The following PTPRK variants were observed in gnomAD, a reference collection of about 807,000 sequenced individuals.
PTPRK encodes receptor-type tyrosine-protein phosphatase kappa.
In PTPRK, 75 loss-of-function variants were observed where a neutral mutation model predicts 178.0. The ratio of observed to expected loss-of-function variants is 0.42; its 90% CI spans 0.35 to 0.51. The LOEUF (loss-of-function observed/expected upper bound fraction) is 0.51. Among genes scored for constraint, PTPRK ranks in the 20% least tolerant of loss-of-function variants. The probability of loss-of-function intolerance (pLI) is 0.02; values close to 1 mark genes in which losing one functional copy is unlikely to be tolerated. For missense variants in PTPRK, 1,441 were observed against 1,797.8 expected (o/e 0.80, Z 3.59); for synonymous variants, 637 against 620.6 (o/e 1.03, Z -0.39).
At chr6:128,342,682 C>A (rs1287166720) in intron 2 of PTPRK, among the ~76,000 whole-genome samples, 1 of 151,872 alleles carries the variant, frequency 6.6e-6, no homozygotes, top group Non-Finnish European at 1.5e-5. Flanking sequence ...TAAATTGATT[C>A]TCAGTTTTAA....
chr6:128,002,938 A>G (rs1273329849), intron 15 of PTPRK, among the ~76,000 whole-genome samples: 3 of 151,932 alleles, frequency 2.0e-5, no homozygotes, highest in Admixed American at 2.0e-4. Flanking sequence ...AATATTAGTC[A>G]GACATTAAGG....
At chr6:128,356,161 A>T (rs1367584408) in intron 2 of PTPRK, among the ~76,000 whole-genome samples, 1 of 151,968 alleles carries the variant, frequency 6.6e-6, no homozygotes, top group East Asian at 1.9e-4. Flanking sequence ...CCCTCTCCCC[A>T]CATCAAACAT....
At chr6:128,097,124 A>C (rs1788047787) in intron 7 of PTPRK, among the ~76,000 whole-genome samples, 1 of 152,168 alleles carries the variant, frequency 6.6e-6, no homozygotes, top group African/African-American at 2.4e-5. Context: ...CGGTGAGATG[A>C]CTTGATTAGT....
intron 13 of PTPRK, among the ~76,000 whole-genome samples, chr6:128,043,696 ATTTG>A (rs1562485104): frequency 6.6e-6 from 1 of 151,896 alleles, no homozygotes; most frequent in Non-Finnish European, 1.5e-5. Context: ...TTAATGTACT[ATTTG>A]TTTGCATGTT....
intron 29 of PTPRK, among the ~76,000 whole-genome samples, chr6:127,971,999 G>A (rs1035540170): frequency 1.3e-5 from 2 of 152,042 alleles, no homozygotes; most frequent in Non-Finnish European, 1.5e-5. Flanking sequence ...ATGTAATCTT[G>A]TGTAGACAGC....
At chr6:128,452,388 A>G (rs147755606) in intron 1 of PTPRK, among the ~76,000 whole-genome samples, 1 of 152,304 alleles carries the variant, frequency 6.6e-6, no homozygotes, top group African/African-American at 2.4e-5. Context: ...CTTCCCTTCC[A>G]AATGGGCTTT....
chr6:128,243,979 GAAGA>G (rs1191245585), intron 3 of PTPRK, among the ~76,000 whole-genome samples: 2 of 152,080 alleles, frequency 1.3e-5, no homozygotes, highest in Non-Finnish European at 2.9e-5. Context: ...GGTGAGATGA[GAAGA>G]AAAAGGAAAG....
intron 1 of PTPRK, among the ~76,000 whole-genome samples, chr6:128,516,673 A>T (rs565671618): frequency 5.3e-5 from 8 of 152,298 alleles, no homozygotes; most frequent in South Asian, 2.1e-4. Context: ...ACAGGGTGAC[A>T]TGTCAGGAAC....
At chr6:128,355,891 C>T (rs1009026172) in intron 2 of PTPRK, among the ~76,000 whole-genome samples, 2 of 152,192 alleles carry the variant, frequency 1.3e-5, no homozygotes, top group African/African-American at 4.8e-5. Context: ...ACTAGAATTT[C>T]ACAATTTAAG....
chr6:128,007,752 C>T (rs991675341), intron 14 of PTPRK, among the ~76,000 whole-genome samples: 7 of 150,910 alleles, frequency 4.6e-5, no homozygotes, highest in African/African-American at 1.7e-4. Flanking sequence ...TGTTTACATC[C>T]AATCTGAAGT....
At chr6:128,361,691 G>T (rs1343495278) in intron 2 of PTPRK, among the ~76,000 whole-genome samples, 1 of 151,986 alleles carries the variant, frequency 6.6e-6, no homozygotes, top group Non-Finnish European at 1.5e-5. Context: ...CATCACAATG[G>T]TATTTTTATA....
rs57723685 is a variant in PTPRK, at chr6:128,503,842, TTGTGTGTGTGTGTG to T, written c.100+16403_100+16416del. 6.2e-4 allele frequency among the ~76,000 whole-genome samples: 87 copies of T among 139,972 alleles called. No individual in the cohort carries two copies. In the East Asian group the frequency reaches 8.6e-3, roughly 14 times the overall value. The allele number at this position is 139,972 out of a possible 152,430, so 91.8% of individuals were successfully genotyped here. A position where few individuals can be genotyped will look rare whatever the true frequency, so the allele number is the denominator to read the frequency against. ...CATGCACCACTATGCCTGGTTATTA[TTGTGTGTGTGTGTG>T]TGTGTGTGTGTGTGTGTGTGTGTGT... is the stretch of plus-strand genomic sequence containing the variant. On this transcript the variant is annotated intron_variant, in intron 1 of 29. Coordinates refer to ENST00000368226, the MANE Select transcript of PTPRK (RefSeq NM_002844.4).
At chr6:128,019,963 T>C (rs1016715610) in intron 13 of PTPRK, among the ~76,000 whole-genome samples, 3 of 152,124 alleles carry the variant, frequency 2.0e-5, no homozygotes, top group Non-Finnish European at 4.4e-5. Context: ...ACCTTGTCTA[T>C]GTAGTAGGTG....
rs1407012092 is a variant in PTPRK, at chr6:127,970,089, T to A, written c.*138A>T. The A allele has an allele frequency of 7.1e-6, 4 of 564,150 alleles. No homozygotes were observed. The highest frequency in any genetic ancestry group is 1.2e-5 in the Non-Finnish European group (4 of 328,002). 34.9% of individuals were successfully genotyped at this position (564,150 alleles called of 1,614,324 possible). ...AAGATACACAACTTCATAAAAAAAA[T>A]ACTTTTACCTCTCAAATGTAAAAGT... is the stretch of plus-strand genomic sequence containing the variant. On this transcript the variant is annotated 3_prime_UTR_variant, in exon 30 of 30. Coordinates refer to ENST00000368226, the MANE Select transcript of PTPRK (RefSeq NM_002844.4).
intron 2 of PTPRK, among the ~76,000 whole-genome samples, chr6:128,334,952 G>T (rs1322128563): frequency 1.3e-5 from 2 of 152,142 alleles, no homozygotes; most frequent in Non-Finnish European, 1.5e-5. Flanking sequence ...GCCAGGCGTG[G>T]TGGCGGGCAC....
At chr6:128,382,087 G>A (rs1364899134) in intron 2 of PTPRK, among the ~76,000 whole-genome samples, 2 of 150,202 alleles carry the variant, frequency 1.3e-5, no homozygotes, top group East Asian at 3.9e-4. Context: ...GAAGGCTGAG[G>A]TGGGAGGACT....
At chr6:128,132,336 G>A (rs939546805) in intron 7 of PTPRK, among the ~76,000 whole-genome samples, 3 of 152,060 alleles carry the variant, frequency 2.0e-5, no homozygotes, top group Admixed American at 6.5e-5. Context: ...CACCTCGCCC[G>A]GCTAATTTTT....
In PTPRK at chr6:128,161,133, C is replaced by T. The variant is rs144145621; in HGVS notation, c.1162+23299G>A. ...CATATAAAAGATACAACTTCTTAGCCCATGTTTAAGAACACAATAGCTTAT... is the reference window on the plus strand; with the variant it reads ...CATATAAAAGATACAACTTCTTAGCTCATGTTTAAGAACACAATAGCTTAT... On this transcript the variant is annotated intron_variant, in intron 7 of 29. Coordinates refer to ENST00000368226, the MANE Select transcript of PTPRK (RefSeq NM_002844.4). 4.5e-3 allele frequency among the ~76,000 whole-genome samples: 685 copies of T among 151,646 alleles called. 3 individuals are homozygous for T. The highest frequency in any genetic ancestry group is 6.9e-3 in the Non-Finnish European group (469 of 67,694).
chr6:128,123,869 A>G (rs372328568), intron 7 of PTPRK, among the ~76,000 whole-genome samples: 1 of 152,022 alleles, frequency 6.6e-6, no homozygotes, highest in South Asian at 2.1e-4. Flanking sequence ...AACTGAGTCT[A>G]TGAGTTTTGG....
Sources: gnomAD v4.1 joint callset for allele counts (sites outside exome capture counted in the v4.1 genomes callset) on GRCh38, gnomAD v4.1.1 for gene constraint, MANE v1.5 for transcripts, NCBI Gene and HGNC (gene_info 2026-07-23, HGNC 2026-07-21) for gene names.